The following PLEKHD1 variants were observed in gnomAD, a reference collection of about 807,000 sequenced individuals.
PLEKHD1 encodes pleckstrin homology and coiled-coil domain containing D1, also known as pleckstrin homology domain-containing family D member 1.
PLEKHD1 carries 51 observed loss-of-function variants against 69.2 expected under a neutral mutation model. That is an observed-to-expected ratio of 0.74 (90% confidence interval 0.59 to 0.93). The LOEUF (loss-of-function observed/expected upper bound fraction) is 0.93. Ranked by LOEUF, PLEKHD1 falls within the 40% of genes least tolerant of loss-of-function variation. PLEKHD1 has a pLI of 0.00. For synonymous variants in PLEKHD1, 236 were observed against 244.7 expected, an observed-to-expected ratio of 0.96 and a Z score of 0.33; for missense variants, 584 against 641.0, an observed-to-expected ratio of 0.91 and a Z score of 0.96.
In PLEKHD1 at chr14:69,500,226, A is replaced by G. The variant is rs1342078870; in HGVS notation, c.243+18A>G. On this transcript the variant is annotated intron_variant, in intron 2 of 12. Transcript: ENST00000322564. ...ATCCTAAGGTGAGGCGGCCCCTCCCAGGGCCACAGCAGGGGAGGGCCCAGT... is the reference window on the plus strand; with the variant it reads ...ATCCTAAGGTGAGGCGGCCCCTCCCGGGGCCACAGCAGGGGAGGGCCCAGT... The G allele has an allele frequency of 1.3e-6, 2 of 1,514,830 alleles. No individual in the cohort carries two copies. Among genetic ancestry groups the G allele is most frequent in the Non-Finnish European group, 1.8e-6 (2 of 1,113,938 alleles). The allele number at this position is 1,514,830 out of a possible 1,614,324, so 93.8% of individuals were successfully genotyped here. A position where few individuals can be genotyped will look rare whatever the true frequency, so the allele number is the denominator to read the frequency against.
chr14:69,517,347 A>G (rs1186195757), intron 6 of PLEKHD1, among the ~76,000 whole-genome samples: 2 of 152,136 alleles, frequency 1.3e-5, no homozygotes, highest in African/African-American at 4.8e-5. Context: ...ATATCTTTGG[A>G]TATCTGGCTG....
At chr14:69,485,425 C>G (rs1225135911) in intron 1 of PLEKHD1, among the ~76,000 whole-genome samples, 3 of 152,194 alleles carry the variant, frequency 2.0e-5, no homozygotes, top group Admixed American at 1.3e-4. Flanking sequence ...CAGATCAGGC[C>G]AGACTGAGGG....
chr14:69,493,116 C>T (rs1193248341), intron 1 of PLEKHD1, among the ~76,000 whole-genome samples: 1 of 152,206 alleles, frequency 6.6e-6, no homozygotes, highest in Non-Finnish European at 1.5e-5. Flanking sequence ...CTTTCTCCTG[C>T]TTTTGATTAT....
rs924122544 is a variant in PLEKHD1 at position 69,526,929 on chromosome 14, A to C, written c.1056+100A>C. 6 of 1,419,996 alleles carry C rather than the reference A, an allele frequency of 4.2e-6. No individual in the cohort carries two copies. The Admixed American group carries it at 8.6e-5, about 20-fold the overall frequency. 88.0% of individuals were successfully genotyped at this position (1,419,996 alleles called of 1,614,324 possible). On this transcript the variant is annotated intron_variant, in intron 10 of 12. Transcript: ENST00000322564. Reference sequence around the variant, plus strand: ...GGTAGCTGCATGAATTATCTCTGTCAGTCTGACCAGACAGCCAGGCATGGG... The same window carrying C: ...GGTAGCTGCATGAATTATCTCTGTCCGTCTGACCAGACAGCCAGGCATGGG...
chr14:69,473,288 G>A, the PLEKHD1 span, among the ~76,000 whole-genome samples: 2 of 152,104 alleles, frequency 1.3e-5, no homozygotes. Flanking sequence ...TCCAAACAAG[G>A]ACAAAATTGC....
chr14:69,515,855 G>A (rs111312049), intron 6 of PLEKHD1, among the ~76,000 whole-genome samples: 1,709 of 152,338 alleles, frequency 0.011, 23 homozygotes, highest in African/African-American at 0.038. Flanking sequence ...TCCAAGATTA[G>A]GGATTACATT....
chr14:69,487,883 GC>G (rs1364562617), intron 1 of PLEKHD1, among the ~76,000 whole-genome samples: 1 of 152,148 alleles, frequency 6.6e-6, no homozygotes, highest in Admixed American at 6.5e-5. Flanking sequence ...TGAGGGCTTG[GC>G]CTAGACTAAT....
chr14:69,482,663 G>A (rs1039591202), upstream of PLEKHD1, among the ~76,000 whole-genome samples: 1 of 152,182 alleles, frequency 6.6e-6, no homozygotes, highest in Admixed American at 6.6e-5. Context: ...CCCTTGAAAA[G>A]TGCAAGCCTG....
At chr14:69,511,790 A>G (rs1883277936) in intron 6 of PLEKHD1, among the ~76,000 whole-genome samples, 1 of 152,032 alleles carries the variant, frequency 6.6e-6, no homozygotes, top group African/African-American at 2.4e-5. Flanking sequence ...GCCTCAAGTG[A>G]TCTGCCTGCC....
At chr14:69,493,416 T>C (rs980281975) in intron 1 of PLEKHD1, among the ~76,000 whole-genome samples, 4 of 152,174 alleles carry the variant, frequency 2.6e-5, no homozygotes, top group African/African-American at 9.7e-5. Flanking sequence ...CAGTTTCCTC[T>C]CTAGTGAAAT....
chr14:69,503,863 CA>C (rs35831952), intron 6 of PLEKHD1, among the ~76,000 whole-genome samples: 6,022 of 38,998 alleles, frequency 0.15, 87 homozygotes, highest in African/African-American at 0.22. Context: ...GACTCCGTCT[CA>C]AAAAAAAAAA....
At chr14:69,503,181 A>G (rs1883068611) in intron 6 of PLEKHD1, 2 of 416,030 alleles carry the variant, frequency 4.8e-6, no homozygotes, top group African/African-American at 2.0e-5. Flanking sequence ...CTGCTTGTCA[A>G]TGATGTTCAC....
chr14:69,507,214 A>G (rs796968455), intron 6 of PLEKHD1, among the ~76,000 whole-genome samples: 2 of 152,186 alleles, frequency 1.3e-5, no homozygotes, highest in African/African-American at 2.4e-5. Flanking sequence ...TACTGTATCC[A>G]TAGTTTTGCC....
intron 6 of PLEKHD1, among the ~76,000 whole-genome samples, chr14:69,505,635 A>G (rs1883135584): frequency 6.6e-6 from 1 of 152,108 alleles, no homozygotes; most frequent in Non-Finnish European, 1.5e-5. Flanking sequence ...GGGATGTCTG[A>G]TTAGAGTTAT....
intron 6 of PLEKHD1, among the ~76,000 whole-genome samples, chr14:69,520,960 GGAGGAGCATCA>G (rs1883500622): frequency 6.6e-6 from 1 of 152,114 alleles, no homozygotes; most frequent in South Asian, 2.1e-4. Context: ...GGTGTGCCCA[GGAGGAGCATCA>G]GAATGCCAGT....
At chr14:69,482,061 G>A (rs1257972935), upstream of PLEKHD1, among the ~76,000 whole-genome samples, 3 of 152,188 alleles carry the variant, frequency 2.0e-5, no homozygotes, top group South Asian at 4.1e-4. Flanking sequence ...GTATCTAGTG[G>A]TTGATCAAAC....
Position 69,500,214 on chromosome 14 carries a change from G to A in PLEKHD1, c.243+6G>A, listed in dbSNP as rs1882991687. 7 of 1,541,000 alleles carry A rather than the reference G, an allele frequency of 4.5e-6. No homozygotes were observed. The highest frequency in any genetic ancestry group is 6.2e-6 in the Non-Finnish European group (7 of 1,137,626). The stretch of plus-strand genomic sequence containing the variant: ...ACTTCAATATACATCCTAAGGTGAG[G>A]CGGCCCCTCCCAGGGCCACAGCAGG... On this transcript the variant is annotated splice_donor_region_variant and intron_variant, in intron 2 of 12. Coordinates refer to ENST00000322564, the MANE Select transcript of PLEKHD1 (RefSeq NM_001161498.2).
At chr14:69,483,079 C>G (rs1020309852), upstream of PLEKHD1, among the ~76,000 whole-genome samples, 1 of 152,152 alleles carries the variant, frequency 6.6e-6, no homozygotes, top group African/African-American at 2.4e-5. Flanking sequence ...GTCCCACCTC[C>G]TCCCACCTGA....
At position 69,493,027 on chromosome 14, in the gene PLEKHD1, A is replaced by C. The variant is rs910496504; in HGVS notation, c.150-7088A>C. On this transcript the variant is annotated intron_variant, in intron 1 of 12. Transcript: ENST00000322564. ...AATGATCCTTCTGCCTTGGTCCCAC[A>C]AAGTACTGGGATTACAGGCGTGAGC... 7.2e-5 allele frequency among the ~76,000 whole-genome samples: 11 copies of C among 152,334 alleles called. 1 individual carries two copies. In the South Asian group the frequency reaches 2.3e-3, roughly 32 times the overall value.
Sources: gnomAD v4.1 joint callset for allele counts (sites outside exome capture counted in the v4.1 genomes callset) on GRCh38, gnomAD v4.1.1 for gene constraint, MANE v1.5 for transcripts, NCBI Gene and HGNC (gene_info 2026-07-23, HGNC 2026-07-21) for gene names.